Variants in NINL observed in about 807,000 individuals in gnomAD.
The protein encoded by NINL is ninein like.
In NINL, 153 loss-of-function variants were observed where a neutral mutation model predicts 160.3. The observed-to-expected ratio is 0.95, with a 90% CI of 0.84 to 1.09. The LOEUF (loss-of-function observed/expected upper bound fraction) is 1.09. Ranked by LOEUF, NINL falls within the 50% of genes least tolerant of loss-of-function variation. The pLI, the probability that NINL is intolerant of heterozygous loss-of-function variation, is 0.00. For synonymous variants in NINL, 800 were observed against 734.8 expected, an observed-to-expected ratio of 1.09 and a Z score of -1.43; for missense variants, 1,829 against 1,764.0, an observed-to-expected ratio of 1.04 and a Z score of -0.66.
chr20:25,476,477 G>A lies in NINL; in HGVS notation c.2814C>T (p.Ala938=). 6.2e-7 allele frequency: 1 copy of A among 1,606,192 alleles called. No homozygotes were observed. Among genetic ancestry groups the A allele is most frequent in the African/African-American group, 1.3e-5 (1 of 75,032 alleles). The change falls in exon 17 of 24, where the codon GCC becomes GCT. Residue 938 remains alanine, a synonymous_variant. Transcript: ENST00000278886. ...ASAAGLEQPG[A]RELPLLGTER... ...CTGTTCCCAGCAGAGGCAGCTCCCG[G>A]GCTCCAGGCTGCTCCAGCCCCGCTG...
At chr20:25,547,518 GC>G (rs1327637814) in intron 1 of NINL, among the ~76,000 whole-genome samples, 3 of 152,156 alleles carry the variant, frequency 2.0e-5, no homozygotes, top group Non-Finnish European at 4.4e-5. Flanking sequence ...ATGGAACTGA[GC>G]CCTTAACCTA....
intron 16 of NINL, among the ~76,000 whole-genome samples, chr20:25,477,928 TTTTTTTTTTTTTGAGACGAGTCTCAC>T (rs1430765198): frequency 1.3e-5 from 2 of 148,278 alleles, no homozygotes; most frequent in Non-Finnish European, 1.5e-5. Context: ...ACAGACGACT[TTTTTTTTTTTTTGAGACGAGTCTCAC>T]TTTTTTTTTT....
In NINL at chr20:25,504,986, C is replaced by A; in HGVS notation, c.610G>T (p.Val204Leu). ...CTGCCCACCCCCAGCTCTTCCCACACGCCCCGGATCTGGCTCTCTGGGGTG... is the reference window on the plus strand; with the variant it reads ...CTGCCCACCCCCAGCTCTTCCCACAAGCCCCGGATCTGGCTCTCTGGGGTG... Reference protein sequence around the residue: ...FDTPESQIRGVWEELGVGSSG... With the variant: ...FDTPESQIRGLWEELGVGSSG... Residue 204 changes from valine (V) to leucine (L), a missense_variant, in exon 6 of 24, where the codon GTG (valine) becomes TTG (leucine). By Grantham distance (32) the Val-to-Leu change is conservative. Transcript: ENST00000278886. 7 of 1,613,856 alleles carry A rather than the reference C, an allele frequency of 4.3e-6. No individual in the cohort carries two copies. Among genetic ancestry groups the A allele is most frequent in the Non-Finnish European group, 4.2e-6 (5 of 1,180,000 alleles).
At chr20:25,486,866 G>A (rs1446506270) in intron 13 of NINL, among the ~76,000 whole-genome samples, 2 of 152,200 alleles carry the variant, frequency 1.3e-5, no homozygotes, top group African/African-American at 4.8e-5. Flanking sequence ...GCTTTATCTG[G>A]TTCTCTGGCT....
At chr20:25,501,490 C>A (rs957208716) in intron 7 of NINL, among the ~76,000 whole-genome samples, 3 of 152,210 alleles carry the variant, frequency 2.0e-5, no homozygotes, top group African/African-American at 4.8e-5. Flanking sequence ...CAGAGGCGCA[C>A]ACACCCCCAG....
chr20:25,478,898 A>C (rs201750669), intron 16 of NINL, 25 bp downstream of exon 16: 490 of 1,489,654 alleles, frequency 3.3e-4, no homozygotes, highest in Non-Finnish European at 4.2e-4. Context: ...CCCAGACTTG[A>C]AATCTCAAAA....
intron 1 of NINL, among the ~76,000 whole-genome samples, chr20:25,572,522 C>T (rs1177693586): frequency 6.6e-6 from 1 of 152,116 alleles, no homozygotes; most frequent in Non-Finnish European, 1.5e-5. Context: ...GAAGAAGGCA[C>T]TATTATTACC....
At chr20:25,555,300 A>G (rs558927303) in intron 1 of NINL, among the ~76,000 whole-genome samples, 1 of 152,284 alleles carries the variant, frequency 6.6e-6, no homozygotes, top group South Asian at 2.1e-4. Context: ...AAAGCAGCCC[A>G]TGCCACACAC....
At chr20:25,583,749 A>G (rs2065198556) in intron 1 of NINL, among the ~76,000 whole-genome samples, 1 of 152,256 alleles carries the variant, frequency 6.6e-6, no homozygotes, top group African/African-American at 2.4e-5. Flanking sequence ...GATAGACTGA[A>G]TAAAGAAAAT....
chr20:25,493,424 G>A (rs931807471), intron 10 of NINL, among the ~76,000 whole-genome samples: 4 of 152,108 alleles, frequency 2.6e-5, no homozygotes, highest in Non-Finnish European at 5.9e-5. Context: ...TGGACGAACC[G>A]AGCTTACAAC....
intron 1 of NINL, among the ~76,000 whole-genome samples, chr20:25,579,245 T>A (rs13040726): frequency 9.9e-4 from 151 of 152,008 alleles, no homozygotes; most frequent in African/African-American, 3.3e-3. Flanking sequence ...CATGTGACCC[T>A]GAGTATGTTA....
At chr20:25,541,287 T>TAA (rs570901066) in intron 1 of NINL, among the ~76,000 whole-genome samples, 33 of 152,302 alleles carry the variant, frequency 2.2e-4, no homozygotes, top group Middle Eastern at 6.8e-3. Context: ...TTCTGAGCAT[T>TAA]AAAAGAGCTA....
intron 13 of NINL, among the ~76,000 whole-genome samples, chr20:25,483,846 A>C (rs1382202113): frequency 2.6e-5 from 4 of 152,256 alleles, no homozygotes; most frequent in African/African-American, 9.6e-5. Context: ...GACATAAACC[A>C]GGCTGTGCAT....
At chr20:25,488,209 G>A (rs940474759) in intron 13 of NINL, among the ~76,000 whole-genome samples, 4 of 152,204 alleles carry the variant, frequency 2.6e-5, no homozygotes, top group African/African-American at 9.6e-5. Context: ...GAGGTGTGAA[G>A]TGACTTCCTT....
At chr20:25,530,711 G>A (rs2064442677) in intron 1 of NINL, among the ~76,000 whole-genome samples, 1 of 152,106 alleles carries the variant, frequency 6.6e-6, no homozygotes, top group Admixed American at 6.6e-5. Context: ...AAACCAGCAA[G>A]TTTTTATTAG....
chr20:25,578,740 C>T (rs757033977), intron 1 of NINL, among the ~76,000 whole-genome samples: 5 of 141,080 alleles, frequency 3.5e-5, no homozygotes, highest in African/African-American at 1.3e-4. Context: ...TTGCAGTGAG[C>T]GGAGATCGCC....
chr20:25,462,247 A>G lies in NINL; in HGVS notation c.3582+136T>C, dbSNP rs75491397. On this transcript the variant is annotated intron_variant, in intron 20 of 23. Coordinates refer to ENST00000278886, the MANE Select transcript of NINL (RefSeq NM_025176.6). ...TTTGCCAACACAGCACAGTCCACCT[A>G]CTTCTCCAAGGCATGCTTGGGAAGT... The G allele has an allele frequency of 5.9e-3, 4,399 of 742,872 alleles. 146 individuals carry two copies. The African/African-American group carries it at 0.069, about 12-fold the overall frequency. 46.0% of individuals were successfully genotyped at this position (742,872 alleles called of 1,614,324 possible).
chr20:25,532,361 G>A (rs2064479984), intron 1 of NINL, among the ~76,000 whole-genome samples: 1 of 152,230 alleles, frequency 6.6e-6, no homozygotes, highest in African/African-American at 2.4e-5. Context: ...GCATCCACAG[G>A]AGGGCTGGCC....
intron 17 of NINL, among the ~76,000 whole-genome samples, chr20:25,473,899 TAAAA>T (rs774554310): frequency 1.3e-5 from 2 of 151,778 alleles, no homozygotes; most frequent in Non-Finnish European, 2.9e-5. Context: ...AATAAAAAGT[TAAAA>T]AGAAAGAAAT....
Sources: allele counts gnomAD v4.1 joint callset (sites outside exome capture counted in the v4.1 genomes callset), GRCh38; gene constraint gnomAD v4.1.1; transcripts MANE v1.5; gene names NCBI Gene and HGNC (gene_info 2026-07-23, HGNC 2026-07-21).